Variants in RAP1GDS1 observed in about 807,000 individuals in gnomAD.
RAP1GDS1 encodes RAP1, GTP-GDP dissociation stimulator 1.
Under a neutral mutation model 71.1 loss-of-function variants are expected in RAP1GDS1, and 35 were observed. The observed-to-expected ratio is 0.49, with a 90% CI of 0.38 to 0.65. The LOEUF is 0.65. RAP1GDS1 is among the 30% of genes least tolerant of loss of function. The pLI is 0.00. For missense variants in RAP1GDS1, 663 were observed against 706.1 expected (o/e 0.94, Z 0.69); for synonymous variants, 229 against 243.1 (o/e 0.94, Z 0.54).
rs1424383092 is a variant in RAP1GDS1 at position 98,261,407 on chromosome 4, C to A, written c.-159C>A. 5.8e-6 allele frequency: 2 copies of A among 345,142 alleles called. No homozygotes were observed. The highest frequency in any genetic ancestry group is 4.6e-6 in the Non-Finnish European group (1 of 219,694). The allele number at this position is 345,142 out of a possible 1,614,324, so 21.4% of individuals were successfully genotyped here. ...CCGCTCGTCCCCGCCGCGGCCGCGC[C>A]GCCTGCAGCAGCACCAGCTGCTCCT... On this transcript the variant is annotated 5_prime_UTR_variant, in exon 1 of 15. Coordinates refer to ENST00000408927, the MANE Select transcript of RAP1GDS1 (RefSeq NM_001100427.2).
At chr4:98,437,311 A>G (rs769223634) in intron 14 of RAP1GDS1, among the ~76,000 whole-genome samples, 5 of 152,212 alleles carry the variant, frequency 3.3e-5, no homozygotes, top group Non-Finnish European at 5.9e-5. Context: ...TAGCCATCCA[A>G]CTGTATAATA....
At chr4:98,319,119 C>A (rs529695580) in intron 2 of RAP1GDS1, among the ~76,000 whole-genome samples, 2 of 152,264 alleles carry the variant, frequency 1.3e-5, no homozygotes, top group African/African-American at 4.8e-5. Flanking sequence ...AAAACTGCTT[C>A]TATACATATC....
chr4:98,340,843 A>G (rs1735404103), intron 2 of RAP1GDS1, among the ~76,000 whole-genome samples: 1 of 152,186 alleles, frequency 6.6e-6, no homozygotes, highest in East Asian at 1.9e-4. Flanking sequence ...GATACAATGA[A>G]GGGAACAGCA....
chr4:98,272,309 A>T (rs1394594341), intron 1 of RAP1GDS1, among the ~76,000 whole-genome samples: 2 of 152,220 alleles, frequency 1.3e-5, no homozygotes, highest in African/African-American at 2.4e-5. Flanking sequence ...TTATTCCTGT[A>T]GCATTAAAAT....
intron 4 of RAP1GDS1, among the ~76,000 whole-genome samples, chr4:98,366,688 T>C (rs1739545971): frequency 6.6e-6 from 1 of 152,148 alleles, no homozygotes. Context: ...GAAAAACTTG[T>C]TGGAAACTGG....
intron 3 of RAP1GDS1, among the ~76,000 whole-genome samples, chr4:98,349,058 A>G (rs1241918982): frequency 6.6e-6 from 1 of 152,118 alleles, no homozygotes; most frequent in Non-Finnish European, 1.5e-5. Context: ...TATGTCCTGA[A>G]TGGTATTGCC....
At chr4:98,286,455 A>G (rs1726033279) in intron 1 of RAP1GDS1, among the ~76,000 whole-genome samples, 1 of 152,108 alleles carries the variant, frequency 6.6e-6, no homozygotes, top group African/African-American at 2.4e-5. Context: ...TACAAATTGT[A>G]TTTTGCTCTT....
In RAP1GDS1 at chr4:98,348,086, G is replaced by A. The variant is rs192166768; in HGVS notation, c.236-4390G>A. Among the ~76,000 whole-genome samples the A allele has an allele frequency of 7.1e-3, 1,083 of 152,106 alleles. 8 individuals carry two copies. The highest frequency in any genetic ancestry group is 0.02 in the Middle Eastern group (6 of 294). Reference sequence around the variant, plus strand: ...ACCCATTAACTCGTCATTTACATTAGGTATATCTCCTAATGCTATCCCTCC... The same window carrying A: ...ACCCATTAACTCGTCATTTACATTAAGTATATCTCCTAATGCTATCCCTCC... On this transcript the variant is annotated intron_variant, in intron 3 of 14. Transcript: ENST00000408927.
At chr4:98,278,870 TTAAA>T (rs1724618986) in intron 1 of RAP1GDS1, among the ~76,000 whole-genome samples, 1 of 152,174 alleles carries the variant, frequency 6.6e-6, no homozygotes. Context: ...CCTTGCAGCA[TTAAA>T]TAAATTTTCT....
At chr4:98,289,228 C>T (rs931245587) in intron 1 of RAP1GDS1, among the ~76,000 whole-genome samples, 3 of 151,850 alleles carry the variant, frequency 2.0e-5, no homozygotes, top group African/African-American at 7.3e-5. Flanking sequence ...AAAATAGAAA[C>T]TTTCATGTTT....
At position 98,382,216 on chromosome 4, in the gene RAP1GDS1, C is replaced by G. The variant is rs73834461; in HGVS notation, c.508+3053C>G. On this transcript the variant is annotated intron_variant, in intron 5 of 14. Coordinates refer to ENST00000408927, the MANE Select transcript of RAP1GDS1 (RefSeq NM_001100427.2). ...CCCTATTGGTGAAGCAGTTAATACT[C>G]AGGTAAGTGTAGAATAATCTGAATA... 6.5e-3 allele frequency among the ~76,000 whole-genome samples: 982 copies of G among 151,652 alleles called. 12 individuals are homozygous for G. Among genetic ancestry groups the G allele is most frequent in the African/African-American group, 0.021 (866 of 41,454 alleles).
intron 4 of RAP1GDS1, among the ~76,000 whole-genome samples, chr4:98,366,385 C>T (rs1048708229): frequency 6.6e-6 from 1 of 152,114 alleles, no homozygotes; most frequent in Non-Finnish European, 1.5e-5. Context: ...TCCAATTACA[C>T]CTCTTTCTTT....
chr4:98,321,089 G>T (rs1731791297), intron 2 of RAP1GDS1, among the ~76,000 whole-genome samples: 2 of 146,380 alleles, frequency 1.4e-5, no homozygotes, highest in Non-Finnish European at 3.0e-5. Flanking sequence ...AGCTGATGGA[G>T]CTGAAAACCA....
At chr4:98,428,355 C>T (rs10000338) in intron 12 of RAP1GDS1, among the ~76,000 whole-genome samples, 1,786 of 152,192 alleles carry the variant, frequency 0.012, 16 homozygotes, top group Non-Finnish European at 0.019. Context: ...ATAGCTGGGA[C>T]TTAATTAAAC....
chr4:98,275,018 C>CTGTGTGTG (rs3974887), intron 1 of RAP1GDS1, among the ~76,000 whole-genome samples: 4 of 144,928 alleles, frequency 2.8e-5, no homozygotes, highest in East Asian at 2.0e-4. Context: ...TTGTTTGCAG[C>CTGTGTGTG]TGTGTGTGTG....
chr4:98,332,384 T>C (rs557271416), intron 2 of RAP1GDS1, among the ~76,000 whole-genome samples: 23 of 152,210 alleles, frequency 1.5e-4, no homozygotes, highest in Non-Finnish European at 2.8e-4. Context: ...ATTGCTTTTC[T>C]AGTCCTTCAA....
At chr4:98,404,405 C>T (rs1196909833) in intron 6 of RAP1GDS1, 72 bp from the exon 7 acceptor site, 4 of 1,358,344 alleles carry the variant, frequency 2.9e-6, no homozygotes, top group Middle Eastern at 2.7e-4. Flanking sequence ...TACAAAATAA[C>T]TAAGTATTGA....
chr4:98,425,483 A>G (rs1749486954), intron 12 of RAP1GDS1, among the ~76,000 whole-genome samples: 1 of 152,194 alleles, frequency 6.6e-6, no homozygotes, highest in African/African-American at 2.4e-5. Context: ...TGCTGCCTTT[A>G]AGAGACTTAC....
At chr4:98,337,756 T>C (rs1328488940) in intron 2 of RAP1GDS1, among the ~76,000 whole-genome samples, 2 of 152,110 alleles carry the variant, frequency 1.3e-5, no homozygotes, top group African/African-American at 4.8e-5. Flanking sequence ...GGGTGGCATT[T>C]CAGAGAGGGA....
Sources: gnomAD v4.1 joint callset for allele counts (sites outside exome capture counted in the v4.1 genomes callset) on GRCh38, gnomAD v4.1.1 for gene constraint, MANE v1.5 for transcripts, NCBI Gene and HGNC (gene_info 2026-07-23, HGNC 2026-07-21) for gene names.